Variants in EML5 observed in about 807,000 individuals in gnomAD.
EML5 encodes echinoderm microtubule-associated protein-like 5.
EML5 carries 120 observed loss-of-function variants against 250.0 expected under a neutral mutation model. That is an observed-to-expected ratio of 0.48 (90% CI 0.41 to 0.56). The LOEUF (loss-of-function observed/expected upper bound fraction) is 0.56. Among genes scored for constraint, EML5 ranks in the 20% least tolerant of loss-of-function variants. EML5 has a pLI of 0.00. For synonymous variants in EML5, 771 were observed against 806.5 expected, an observed-to-expected ratio of 0.96 and a Z score of 0.75; for missense variants, 2,006 against 2,437.6, an observed-to-expected ratio of 0.82 and a Z score of 3.73.
intron 13 of EML5, 123 bp downstream of exon 13, chr14:88,704,737 C>A: frequency 1.6e-6 from 1 of 625,900 alleles, no homozygotes. Flanking sequence ...TCCCCATGGG[C>A]AATGTTGTAT....
chr14:88,655,777 CAAGA>C (rs2091845646), intron 27 of EML5, among the ~76,000 whole-genome samples: 1 of 151,998 alleles, frequency 6.6e-6, no homozygotes, highest in Non-Finnish European at 1.5e-5. Flanking sequence ...AACAAATTTA[CAAGA>C]AAGAAACAAC....
chr14:88,723,382 A>G (rs910552132), intron 8 of EML5, among the ~76,000 whole-genome samples: 5 of 152,356 alleles, frequency 3.3e-5, no homozygotes, highest in Admixed American at 6.5e-5. Context: ...GATCTTGCTT[A>G]TATGTGGAAT....
At chr14:88,784,682 C>T (rs941256479) in intron 1 of EML5, among the ~76,000 whole-genome samples, 2 of 152,122 alleles carry the variant, frequency 1.3e-5, no homozygotes, top group African/African-American at 2.4e-5. Context: ...TACCATCTCA[C>T]CCCAGTTAAA....
At chr14:88,678,049 C>G (rs1285309992) in intron 21 of EML5, among the ~76,000 whole-genome samples, 4 of 152,126 alleles carry the variant, frequency 2.6e-5, no homozygotes, top group Non-Finnish European at 5.9e-5. Context: ...CTCAAATGCC[C>G]ATCGATATTA....
Position 88,618,831 on chromosome 14 carries a change from T to C in EML5, c.5376-19A>G. ...ACTAAATCTGAATCAAAACAAAACG[T>C]AAAAAGTATTAGACCACATGAAGTA... is the stretch of plus-strand genomic sequence containing the variant. On this transcript the variant is annotated intron_variant, in intron 39 of 43. Coordinates refer to ENST00000554922, the MANE Select transcript of EML5 (RefSeq NM_183387.3). 6.4e-7 allele frequency: 1 copy of C among 1,553,522 alleles called. No individual in the cohort carries two copies. The highest frequency in any genetic ancestry group is 8.7e-7 in the Non-Finnish European group (1 of 1,149,338).
At chr14:88,627,985 G>A (rs1279132382) in intron 33 of EML5, 166 bp from the exon 34 acceptor site, 1 of 741,862 alleles carries the variant, frequency 1.3e-6, no homozygotes. Flanking sequence ...GAAAGGAAAA[G>A]GAGTTTTGGG....
At chr14:88,720,166 G>A (rs141397264) in intron 8 of EML5, among the ~76,000 whole-genome samples, 2 of 151,944 alleles carry the variant, frequency 1.3e-5, no homozygotes, top group Non-Finnish European at 2.9e-5. Context: ...AACCAAAAAA[G>A]GCTCATGACC....
chr14:88,745,337 G>A (rs951978311), intron 3 of EML5, among the ~76,000 whole-genome samples: 1 of 151,940 alleles, frequency 6.6e-6, no homozygotes, highest in African/African-American at 2.4e-5. Context: ...GCTGGTTCAG[G>A]TTAGGATTTT....
chr14:88,642,832 C>T lies in EML5; in HGVS notation c.4237+61G>A, dbSNP rs142825923. 7.3e-6 allele frequency: 11 copies of T among 1,498,060 alleles called. No individual in the cohort carries two copies. In the Admixed American group the frequency reaches 2.3e-4, roughly 32 times the overall value. The allele number at this position is 1,498,060 out of a possible 1,614,324, so 92.8% of individuals were successfully genotyped here. A position where few individuals can be genotyped will look rare whatever the true frequency, so the allele number is the denominator to read the frequency against. On this transcript the variant is annotated intron_variant, in intron 31 of 43. Transcript: ENST00000554922. ...TAGCTTTAACAAAGATTTTAAGCTG[C>T]TAGATCAAAATTTCTAAGTTAAAAA...
chr14:88,736,903 C>T (rs2093849040), intron 6 of EML5, among the ~76,000 whole-genome samples: 1 of 152,098 alleles, frequency 6.6e-6, no homozygotes, highest in Middle Eastern at 3.4e-3. Context: ...CATCAGCATG[C>T]AATCCCCCAT....
At chr14:88,648,448 C>T (rs906569672) in intron 28 of EML5, among the ~76,000 whole-genome samples, 10 of 152,010 alleles carry the variant, frequency 6.6e-5, no homozygotes, top group African/African-American at 1.4e-4. Flanking sequence ...TGACCTCCCA[C>T]GCTCCAGACA....
At chr14:88,647,510 A>G (rs1372883324) in intron 28 of EML5, among the ~76,000 whole-genome samples, 1 of 152,066 alleles carries the variant, frequency 6.6e-6, no homozygotes, top group East Asian at 1.9e-4. Flanking sequence ...CAGCCTGGGC[A>G]ACACTGTGAG....
At chr14:88,720,056 T>G (rs1430266668) in intron 8 of EML5, among the ~76,000 whole-genome samples, 2 of 152,150 alleles carry the variant, frequency 1.3e-5, no homozygotes, top group African/African-American at 2.4e-5. Flanking sequence ...GATAAATTCC[T>G]AGACACATAC....
At chr14:88,704,613 G>A (rs2093280912) in intron 13 of EML5, among the ~76,000 whole-genome samples, 1 of 152,118 alleles carries the variant, frequency 6.6e-6, no homozygotes, top group Admixed American at 6.5e-5. Context: ...AATATGCCCA[G>A]TTGTCCCAAC....
chr14:88,792,756 C>G lies in EML5; in HGVS notation c.-253G>C. Reference sequence around the variant, plus strand: ...CGGCTGTCAAGTGGATGCCCAGAGCCCTTCGCCCGCCTCGGCTCGCCTAGT... The same window carrying G: ...CGGCTGTCAAGTGGATGCCCAGAGCGCTTCGCCCGCCTCGGCTCGCCTAGT... On this transcript the variant is annotated 5_prime_UTR_variant, in exon 1 of 44. Coordinates refer to ENST00000554922, the MANE Select transcript of EML5 (RefSeq NM_183387.3). This position sits in a 1 kb window ranked among gnomAD's most constrained non-coding sequence, Gnocchi z 6.9. The G allele has an allele frequency of 9.5e-7, 1 of 1,053,442 alleles. No homozygotes were observed. Among genetic ancestry groups the G allele is most frequent in the Non-Finnish European group, 1.1e-6 (1 of 874,540 alleles). The allele number at this position is 1,053,442 out of a possible 1,614,324, so 65.3% of individuals were successfully genotyped here. A position where few individuals can be genotyped will look rare whatever the true frequency, so the allele number is the denominator to read the frequency against.
chr14:88,705,645 G>T lies in EML5; in HGVS notation c.1826-57C>A, dbSNP rs138580894. 5.6e-4 allele frequency: 720 copies of T among 1,290,764 alleles called. 2 individuals carry two copies. The African/African-American group carries it at 8.3e-3, about 15-fold the overall frequency. The allele number at this position is 1,290,764 out of a possible 1,614,324, so 80.0% of individuals were successfully genotyped here. Reference sequence around the variant, plus strand: ...TTAAAGAAGATTCATTTTCAAAACAGCACTGAAAAATTAATGATTAAGAGC... The same window carrying T: ...TTAAAGAAGATTCATTTTCAAAACATCACTGAAAAATTAATGATTAAGAGC... On this transcript the variant is annotated intron_variant, in intron 11 of 43. Coordinates refer to ENST00000554922, the MANE Select transcript of EML5 (RefSeq NM_183387.3).
intron 41 of EML5, chr14:88,617,414 T>G (rs1338783594): frequency 1.3e-5 from 2 of 152,648 alleles, no homozygotes; most frequent in Admixed American, 1.3e-4. Flanking sequence ...CCCAAAGTGC[T>G]GGGATTACAG....
rs1374677764 is a variant in EML5, at chr14:88,714,990, A to G, written c.1393T>C (p.Tyr465His). Residue 465 changes from tyrosine to histidine, a missense_variant, in exon 9 of 44, where the codon TAT becomes CAT. Around this residue, in one of 7 missense-constraint regions of EML5, gnomAD observed 1,375 missense variants for 1,590.3 expected, o/e 0.86. Transcript: ENST00000554922. ...CCATTTCCATCATTTGTCTGCAAAT[A>G]TCTACTGTCTGAAGACCAGTCCAGA... Reference protein sequence around the residue: ...THLDWSSDSRYLQTNDGNGKR... With the variant: ...THLDWSSDSRHLQTNDGNGKR... The G allele has an allele frequency of 5.0e-6, 8 of 1,613,600 alleles. No homozygotes were observed. Among genetic ancestry groups the G allele is most frequent in the Non-Finnish European group, 6.8e-6 (8 of 1,179,780 alleles).
Position 88,616,516 on chromosome 14 carries a change from C to T in EML5, c.5796+210G>A, listed in dbSNP as rs904189746. 8.2e-6 allele frequency: 5 copies of T among 607,626 alleles called. No individual in the cohort carries two copies. In the African/African-American group the frequency reaches 9.2e-5, roughly 11 times the overall value. The allele number at this position is 607,626 out of a possible 1,614,324, so 37.6% of individuals were successfully genotyped here. On this transcript the variant is annotated intron_variant, in intron 42 of 43. Coordinates refer to ENST00000554922, the MANE Select transcript of EML5 (RefSeq NM_183387.3). ...TATAGGTTTGGTGAAAAGCTAATTA[C>T]AGCTTTTGTAGGATGGTTCCAAAGA...
Sources: gnomAD v4.1 joint callset for allele counts (sites outside exome capture counted in the v4.1 genomes callset) on GRCh38, gnomAD v4.1.1 for gene constraint, gnomAD v4.1.1 regional missense constraint, Gnocchi (gnomAD v3.1) non-coding constraint, MANE v1.5 for transcripts, NCBI Gene and HGNC (gene_info 2026-07-23, HGNC 2026-07-21) for gene names.